The following INSC variants were observed in gnomAD, a reference collection of about 807,000 sequenced individuals.
INSC encodes the protein protein inscuteable homolog.
A neutral mutation model predicts 58.6 loss-of-function variants in INSC; 67 were observed. The observed-to-expected ratio is 1.14, with a 90% CI of 0.94 to 1.40. The LOEUF (loss-of-function observed/expected upper bound fraction) is 1.40, where lower values mean the gene tolerates loss of function less well. Among genes scored for constraint, INSC ranks in the 40% most tolerant of loss-of-function variants. The pLI is 0.00. For synonymous variants in INSC, 262 were observed against 276.1 expected, an observed-to-expected ratio of 0.95 and a Z score of 0.51; for missense variants, 714 against 692.0, an observed-to-expected ratio of 1.03 and a Z score of -0.36.
chr11:15,238,258 T>A (rs370235175), intron 10 of INSC, among the ~76,000 whole-genome samples: 11 of 152,274 alleles, frequency 7.2e-5, no homozygotes, highest in East Asian at 5.8e-4. Flanking sequence ...GCAGAGATTA[T>A]TCGGTTGAAA....
chr11:15,140,949 C>T (rs1471437179), intron 1 of INSC, among the ~76,000 whole-genome samples: 1 of 152,078 alleles, frequency 6.6e-6, no homozygotes, highest in African/African-American at 2.4e-5. Context: ...TCTGGCTCCT[C>T]ATCTGAAAAA....
At chr11:15,117,019 T>C (rs1847744502) in intron 1 of INSC, among the ~76,000 whole-genome samples, 1 of 149,152 alleles carries the variant, frequency 6.7e-6, no homozygotes, top group Non-Finnish European at 1.5e-5. Flanking sequence ...CTCAGCTCAT[T>C]GCAACCTCTG....
chr11:15,136,017 A>G (rs1848237184), intron 1 of INSC, among the ~76,000 whole-genome samples: 1 of 152,152 alleles, frequency 6.6e-6, no homozygotes, highest in Admixed American at 6.5e-5. Context: ...GCCTTTTTCT[A>G]ATGGTATTAA....
chr11:15,178,741 T>C (rs1161671334), intron 5 of INSC, among the ~76,000 whole-genome samples: 1 of 152,080 alleles, frequency 6.6e-6, no homozygotes, highest in Non-Finnish European at 1.5e-5. Context: ...GAGCCCAGCA[T>C]CTCCCAATTC....
At chr11:15,256,535 G>A in the INSC span, among the ~76,000 whole-genome samples, 1 of 150,686 alleles carries the variant, frequency 6.6e-6, no homozygotes, top group Non-Finnish European at 1.5e-5. Flanking sequence ...TGTTGCCCAG[G>A]CTGGAGTACA....
At chr11:15,148,357 A>T (rs942918837) in intron 1 of INSC, among the ~76,000 whole-genome samples, 4 of 152,178 alleles carry the variant, frequency 2.6e-5, no homozygotes, top group Non-Finnish European at 5.9e-5. Context: ...TTTTCTTGGT[A>T]TGCTAACTTT....
At chr11:15,205,364 T>A (rs756410156) in intron 7 of INSC, among the ~76,000 whole-genome samples, 1 of 152,232 alleles carries the variant, frequency 6.6e-6, no homozygotes, top group Non-Finnish European at 1.5e-5. Flanking sequence ...CAGGCAATCC[T>A]GGGTTTGAAC....
chr11:15,196,017 A>G (rs939119106), intron 6 of INSC, among the ~76,000 whole-genome samples: 2 of 152,216 alleles, frequency 1.3e-5, no homozygotes, highest in Non-Finnish European at 2.9e-5. Context: ...TTCTGTCCAC[A>G]GGCTTCTCAG....
chr11:15,244,786 C>G (rs574560286), intron 12 of INSC, among the ~76,000 whole-genome samples: 1 of 152,136 alleles, frequency 6.6e-6, no homozygotes, highest in African/African-American at 2.4e-5. Flanking sequence ...TAGATATTCC[C>G]CCACTCTTTT....
chr11:15,131,347 AC>A (rs1848121566), intron 1 of INSC, among the ~76,000 whole-genome samples: 1 of 152,012 alleles, frequency 6.6e-6, no homozygotes, highest in Non-Finnish European at 1.5e-5. Flanking sequence ...AGAGATTGCA[AC>A]CCCAGTGTCA....
chr11:15,190,978 A>ATTTTTT (rs5789865), intron 6 of INSC, among the ~76,000 whole-genome samples, 164 bp downstream of exon 6: 1 of 128,658 alleles, frequency 7.8e-6, no homozygotes, highest in African/African-American at 3.0e-5. Flanking sequence ...TGGTGTGTGC[A>ATTTTTT]TTTTTTTTTT....
At chr11:15,123,911 C>T (rs1373659562) in intron 1 of INSC, among the ~76,000 whole-genome samples, 1 of 152,188 alleles carries the variant, frequency 6.6e-6, no homozygotes, top group East Asian at 1.9e-4. Flanking sequence ...TCTAACACTG[C>T]ACTAGACATA....
the INSC span, among the ~76,000 whole-genome samples, chr11:15,256,055 C>A: frequency 1.3e-5 from 2 of 152,194 alleles, no homozygotes; most frequent in African/African-American, 4.8e-5. Context: ...CACTTTGGTG[C>A]AAGCCATGAT....
At chr11:15,184,885 T>C (rs2133847383) in intron 5 of INSC, among the ~76,000 whole-genome samples, 2 of 152,372 alleles carry the variant, frequency 1.3e-5, no homozygotes, top group Admixed American at 1.3e-4. Context: ...AAAAATATTT[T>C]ATTAAAACTT....
chr11:15,151,225 G>A, intron 2 of INSC, among the ~76,000 whole-genome samples: 1 of 152,132 alleles, frequency 6.6e-6, no homozygotes, highest in East Asian at 1.9e-4. Context: ...TCTCATAGGA[G>A]CGCGAACCCT....
At chr11:15,216,127 A>G (rs1000808525) in intron 7 of INSC, among the ~76,000 whole-genome samples, 2 of 152,184 alleles carry the variant, frequency 1.3e-5, no homozygotes, top group Admixed American at 1.3e-4. Context: ...GCGGGCTGGC[A>G]GCAAAACCTG....
the INSC span, among the ~76,000 whole-genome samples, chr11:15,269,182 CT>C: frequency 1.3e-5 from 2 of 151,914 alleles, no homozygotes; most frequent in Non-Finnish European, 2.9e-5. Context: ...TATAGTAATA[CT>C]TTTCCCCTTC....
At chr11:15,219,701 A>G (rs1296386406) in intron 7 of INSC, among the ~76,000 whole-genome samples, 1 of 152,212 alleles carries the variant, frequency 6.6e-6, no homozygotes, top group Non-Finnish European at 1.5e-5. Flanking sequence ...AGCATCTGCA[A>G]CCACGTTGAG....
chr11:15,114,406 G>A (rs982064424), upstream of INSC, among the ~76,000 whole-genome samples: 1 of 152,180 alleles, frequency 6.6e-6, no homozygotes, highest in Non-Finnish European at 1.5e-5. Context: ...TGAATAAACC[G>A]TCTCATTCTA....
Sources: allele counts gnomAD v4.1 joint callset (sites outside exome capture counted in the v4.1 genomes callset), GRCh38; gene constraint gnomAD v4.1.1; transcripts MANE v1.5; gene names NCBI Gene and HGNC (gene_info 2026-07-23, HGNC 2026-07-21).